Variants in SMAD7 observed in about 807,000 individuals in gnomAD.
SMAD7 encodes MAD (mothers against decapentaplegic, Drosophila) homolog 7.
In SMAD7, 8 loss-of-function variants were observed where a neutral mutation model predicts 38.7. The observed-to-expected ratio is 0.21, with a 90% CI of 0.12 to 0.37. SMAD7 has a LOEUF of 0.37. Among genes scored for constraint, SMAD7 ranks in the 10% least tolerant of loss-of-function variants. The probability of loss-of-function intolerance (pLI) is 1.00; values close to 1 mark genes in which losing one functional copy is unlikely to be tolerated. For synonymous variants in SMAD7, 327 were observed against 265.1 expected, an observed-to-expected ratio of 1.23 and a Z score of -2.27; for missense variants, 477 against 577.9, an observed-to-expected ratio of 0.83 and a Z score of 1.79.
At chr18:48,930,687 G>A (rs573571566) in intron 3 of SMAD7, among the ~76,000 whole-genome samples, 81 of 149,038 alleles carry the variant, frequency 5.4e-4, no homozygotes, top group African/African-American at 2.0e-3. Context: ...CCGGTGGGTA[G>A]GGCTCCCCCA....
intron 3 of SMAD7, among the ~76,000 whole-genome samples, chr18:48,932,422 G>A (rs2070013238): frequency 6.6e-6 from 1 of 152,178 alleles, no homozygotes; most frequent in Non-Finnish European, 1.5e-5. Flanking sequence ...ACAGTCGCTG[G>A]CCTGGTTATC....
At chr18:48,949,790 G>A in intron 1 of SMAD7, 22 bp downstream of exon 1, 1 of 1,573,658 alleles carries the variant, frequency 6.4e-7, no homozygotes, top group Middle Eastern at 1.7e-4. Context: ...AAAATGTTGG[G>A]GGTAGGGGGA....
chr18:48,947,064 T>C (rs574563176), intron 2 of SMAD7, among the ~76,000 whole-genome samples: 11 of 152,336 alleles, frequency 7.2e-5, no homozygotes, highest in Admixed American at 2.0e-4. Context: ...CAAAACCCAG[T>C]CAAGTTACAG....
chr18:48,924,698 C>T (rs1342722633), intron 3 of SMAD7, among the ~76,000 whole-genome samples: 2 of 152,172 alleles, frequency 1.3e-5, no homozygotes, highest in African/African-American at 2.4e-5. Flanking sequence ...CCTGCCTGCT[C>T]CTCCCTCGCT....
intron 3 of SMAD7, among the ~76,000 whole-genome samples, chr18:48,923,416 G>T (rs1348250467): frequency 6.6e-6 from 1 of 152,128 alleles, no homozygotes; most frequent in African/African-American, 2.4e-5. Flanking sequence ...ACACTAACTG[G>T]CTCCAACTTT....
rs778536065 is a variant in SMAD7 at position 48,921,831 on chromosome 18, C to T, written c.822G>A (p.Gly274=). The part of the protein sequence containing the change: ...VAYWEEKTRV[G]RLYCVQEPSL... ...AGGGCTCCTGGACACAGTAGAGCCT[C>T]CCCACTCTCGTCTTCTCCTCCCAGT... Residue 274 remains glycine (G), a synonymous_variant, in exon 4 of 4, where the codon GGG becomes GGA. Transcript: ENST00000262158. The surrounding 1 kb of genome is among the most constrained non-coding windows in gnomAD (Gnocchi z 6.4). The T allele has an allele frequency of 2.1e-5, 34 of 1,613,704 alleles. No individual in the cohort carries two copies. The highest frequency in any genetic ancestry group is 2.9e-5 in the Non-Finnish European group (34 of 1,179,906).
intron 2 of SMAD7, among the ~76,000 whole-genome samples, chr18:48,947,897 C>CG (rs1447826427): frequency 6.7e-6 from 1 of 149,194 alleles, no homozygotes; most frequent in East Asian, 2.0e-4. Context: ...AACCTACCCC[C>CG]CCCCCCCTTT....
chr18:48,940,929 G>A (rs2070131974), intron 3 of SMAD7, among the ~76,000 whole-genome samples: 2 of 152,110 alleles, frequency 1.3e-5, no homozygotes, highest in Non-Finnish European at 2.9e-5. Flanking sequence ...TCCTCCGGCA[G>A]GGGAGACAGA....
rs1476611400 is a variant in SMAD7, at chr18:48,950,469, G to A, written c.-45C>T. On this transcript the variant is annotated 5_prime_UTR_variant, in exon 1 of 4. Transcript: ENST00000262158. ...AGAAAAGTCGTTTGCCTGCTAAGGA[G>A]CGAACATGACCTCCGCACACCATGA... 3.9e-6 allele frequency: 6 copies of A among 1,523,732 alleles called. No individual in the cohort carries two copies. The highest frequency in any genetic ancestry group is 5.3e-6 in the Non-Finnish European group (6 of 1,135,558). The allele number at this position is 1,523,732 out of a possible 1,614,324, so 94.4% of individuals were successfully genotyped here.
rs1555716118 is a variant in SMAD7 at position 48,929,569 on chromosome 18, T to TCACACACACACACACACA, written c.743-7660_743-7659insTGTGTGTGTGTGTGTGTG. Among the ~76,000 whole-genome samples the TCACACACACACACACACA allele has an allele frequency of 2.4e-3, 280 of 114,606 alleles. 3 individuals carry two copies. The highest frequency in any genetic ancestry group is 8.5e-3 in the African/African-American group (245 of 28,944). 75.2% of individuals were successfully genotyped at this position (114,606 alleles called of 152,430 possible). A position where few individuals can be genotyped will look rare whatever the true frequency, so the allele number is the denominator to read the frequency against. On this transcript the variant is annotated intron_variant, in intron 3 of 3. Transcript: ENST00000262158. The stretch of plus-strand genomic sequence containing the variant: ...CTCTCTTTCTCTCTCTCTCTCTCTC[T>TCACACACACACACACACA]CACTCACACACACACACACACACAC...
At chr18:48,935,087 G>C (rs1486155696) in intron 3 of SMAD7, among the ~76,000 whole-genome samples, 1 of 152,130 alleles carries the variant, frequency 6.6e-6, no homozygotes, top group Non-Finnish European at 1.5e-5. Flanking sequence ...TCTCTCTCTA[G>C]CAGATACTGA....
At chr18:48,926,985 G>A (rs557914060) in intron 3 of SMAD7, among the ~76,000 whole-genome samples, 11 of 152,098 alleles carry the variant, frequency 7.2e-5, no homozygotes, top group Non-Finnish European at 1.6e-4. Context: ...TTCAATAGGC[G>A]AATCCCTCCC....
rs777184744 is a variant in SMAD7 at position 48,942,736 on chromosome 18, C to G, written c.668-181G>C. 48 of 1,461,414 alleles carry G rather than the reference C, an allele frequency of 3.3e-5. No homozygotes were observed. In the Admixed American group the frequency reaches 3.4e-4, roughly 10 times the overall value. The allele number at this position is 1,461,414 out of a possible 1,614,324, so 90.5% of individuals were successfully genotyped here. ...CTTCACTGCCCATCGTAAGACAGAC[C>G]ACAGCACCTTGTCACCCGTCTGGGC... On this transcript the variant is annotated intron_variant, in intron 2 of 3. Transcript: ENST00000262158.
chr18:48,923,663 A>G (rs1396110163), intron 3 of SMAD7, among the ~76,000 whole-genome samples: 1 of 152,126 alleles, frequency 6.6e-6, no homozygotes, highest in Non-Finnish European at 1.5e-5. Context: ...CAAAAAGGGG[A>G]CACTGAGGTC....
chr18:48,921,349 C>T lies in SMAD7; in HGVS notation c.*23G>A, dbSNP rs181999754. On this transcript the variant is annotated 3_prime_UTR_variant, in exon 4 of 4. Transcript: ENST00000262158. The surrounding 1 kb of genome is among the most constrained non-coding windows in gnomAD (Gnocchi z 6.4). ...TTTGAAGTGTGGCCTGCTCAGCTCACGCTCTGTCCCCTCCGCACGCGGCTA... is the reference window on the plus strand; with the variant it reads ...TTTGAAGTGTGGCCTGCTCAGCTCATGCTCTGTCCCCTCCGCACGCGGCTA... 229 of 1,594,270 alleles carry T rather than the reference C, an allele frequency of 1.4e-4. No homozygotes were observed. The East Asian group carries it at 3.0e-3, about 21-fold the overall frequency.
chr18:48,922,309 T>TG (rs1445931892), intron 3 of SMAD7, among the ~76,000 whole-genome samples: 3 of 152,168 alleles, frequency 2.0e-5, no homozygotes, highest in Non-Finnish European at 4.4e-5. Flanking sequence ...TTCAACTGGA[T>TG]GGAACCTTGA....
chr18:48,925,491 G>A (rs1235652045), intron 3 of SMAD7, among the ~76,000 whole-genome samples: 1 of 152,142 alleles, frequency 6.6e-6, no homozygotes, highest in Non-Finnish European at 1.5e-5. Flanking sequence ...TAAAGGGAAG[G>A]GGGAGGTGGG....
In SMAD7 at chr18:48,949,696, A is replaced by G. The variant is rs529053296; in HGVS notation, c.613+116T>C. ...CCCAGGAGGGTATGCACACTCTCCCAGGAGGGTATGCACACTCCCCCTGGA... is the reference window on the plus strand; with the variant it reads ...CCCAGGAGGGTATGCACACTCTCCCGGGAGGGTATGCACACTCCCCCTGGA... On this transcript the variant is annotated intron_variant, in intron 1 of 3. Coordinates refer to ENST00000262158, the MANE Select transcript of SMAD7 (RefSeq NM_005904.4). 1.0e-4 allele frequency: 118 copies of G among 1,134,872 alleles called. 1 individual carries two copies. The South Asian group carries it at 1.8e-3, about 18-fold the overall frequency. The allele number at this position is 1,134,872 out of a possible 1,614,324, so 70.3% of individuals were successfully genotyped here.
intron 3 of SMAD7, among the ~76,000 whole-genome samples, chr18:48,939,085 C>T (rs549760779): frequency 6.6e-6 from 1 of 152,262 alleles, no homozygotes; most frequent in South Asian, 2.1e-4. Flanking sequence ...TGCCTGTGGG[C>T]ATCCGCACGC....
Sources: gnomAD v4.1 joint callset for allele counts (sites outside exome capture counted in the v4.1 genomes callset) on GRCh38, gnomAD v4.1.1 for gene constraint, Gnocchi (gnomAD v3.1) non-coding constraint, MANE v1.5 for transcripts, NCBI Gene and HGNC (gene_info 2026-07-23, HGNC 2026-07-21) for gene names.